SMC2: variants seen among roughly 807,000 people sequenced by gnomAD.
SMC2 encodes structural maintenance of chromosomes 2.
SMC2 carries 41 observed loss-of-function variants against 142.6 expected under a neutral mutation model. The observed-to-expected ratio is 0.29, with a 90% CI of 0.22 to 0.37. The LOEUF (loss-of-function observed/expected upper bound fraction) is 0.37. Ranked by LOEUF, SMC2 falls within the 10% of genes least tolerant of loss-of-function variation. The pLI is 1.00. For synonymous variants in SMC2, 463 were observed against 457.5 expected, an observed-to-expected ratio of 1.01 and a Z score of -0.15; for missense variants, 1,265 against 1,373.7, an observed-to-expected ratio of 0.92 and a Z score of 1.25.
upstream of SMC2, among the ~76,000 whole-genome samples, chr9:104,089,734 C>T (rs760870886): frequency 2.0e-5 from 3 of 151,980 alleles, no homozygotes; most frequent in Non-Finnish European, 4.4e-5. Flanking sequence ...AACTTGTGTC[C>T]GCCTCCTGGG....
intron 9 of SMC2, among the ~76,000 whole-genome samples, chr9:104,110,728 G>C (rs1832341177): frequency 6.6e-6 from 1 of 152,116 alleles, no homozygotes; most frequent in African/African-American, 2.4e-5. Flanking sequence ...ATGTTCCTCA[G>C]GGCTTTCAAG....
chr9:104,137,644 T>C (rs16923745), intron 23 of SMC2, among the ~76,000 whole-genome samples: 8,633 of 140,028 alleles, frequency 0.062, 659 homozygotes, highest in African/African-American at 0.2. Context: ...ATCATAGTTA[T>C]TGTCTTAAAT....
At chr9:104,101,815 A>G (rs1831159324) in intron 7 of SMC2, 145 bp from the exon 8 acceptor site, 1 of 558,538 alleles carries the variant, frequency 1.8e-6, no homozygotes, top group Non-Finnish European at 3.1e-6. Context: ...GATGTTACGT[A>G]AAGTTTCCTA....
At chr9:104,135,759 A>G in intron 23 of SMC2, 1 of 492,278 alleles carries the variant, frequency 2.0e-6, no homozygotes, top group Non-Finnish European at 4.0e-6. Context: ...AACACTATGT[A>G]AGCCAGAAGT....
At chr9:104,120,661 A>T (rs1314377097) in intron 16 of SMC2, among the ~76,000 whole-genome samples, 2 of 152,230 alleles carry the variant, frequency 1.3e-5, no homozygotes. Flanking sequence ...CTAAAATTTC[A>T]GTGTTTCCTT....
intron 7 of SMC2, among the ~76,000 whole-genome samples, chr9:104,101,018 G>A (rs976299540): frequency 5.3e-5 from 8 of 152,124 alleles, no homozygotes; most frequent in Non-Finnish European, 1.2e-4. Flanking sequence ...GCTCACTGCA[G>A]CCTCCACCTC....
chr9:104,131,707 CA>C (rs201936131), intron 21 of SMC2, among the ~76,000 whole-genome samples: 2,017 of 142,534 alleles, frequency 0.014, 46 homozygotes, highest in African/African-American at 0.05. Context: ...TTAGTGGAGT[CA>C]AAATATTTTA....
upstream of SMC2, chr9:104,092,333 C>T (rs1429597098): frequency 6.6e-6 from 1 of 152,240 alleles, no homozygotes; most frequent in Non-Finnish European, 1.5e-5. Flanking sequence ...TGTATGTTTT[C>T]ATCCATGTGA....
intron 9 of SMC2, among the ~76,000 whole-genome samples, chr9:104,108,098 A>G (rs1832021723): frequency 6.6e-6 from 1 of 152,174 alleles, no homozygotes. Flanking sequence ...AAGTGACACA[A>G]AGTATCCTAC....
chr9:104,106,583 G>A (rs1262825206), intron 9 of SMC2, among the ~76,000 whole-genome samples: 5 of 151,986 alleles, frequency 3.3e-5, no homozygotes, highest in African/African-American at 9.7e-5. Context: ...AGTAGAGATG[G>A]GGTTCCTCCA....
At chr9:104,112,022 C>T (rs1832509164) in intron 10 of SMC2, among the ~76,000 whole-genome samples, 2 of 152,176 alleles carry the variant, frequency 1.3e-5, no homozygotes, top group Admixed American at 6.5e-5. Flanking sequence ...TGTGAAGATG[C>T]TGTACTACAT....
intron 10 of SMC2, among the ~76,000 whole-genome samples, chr9:104,112,028 T>C (rs964793208): frequency 6.6e-6 from 1 of 152,266 alleles, no homozygotes; most frequent in African/African-American, 2.4e-5. Context: ...GATGCTGTAC[T>C]ACATAAATTA....
chr9:104,093,463 T>C (rs961182732), upstream of SMC2, among the ~76,000 whole-genome samples: 8 of 152,162 alleles, frequency 5.3e-5, no homozygotes, highest in Admixed American at 5.2e-4. Context: ...TTTAACTCAT[T>C]TGTAAAACGA....
Position 104,102,059 on chromosome 9 carries a change from A to G in SMC2, c.736A>G (p.Lys246Glu). Residue 246 changes from lysine to glutamate, a missense_variant, in exon 8 of 25, where the codon AAA (lysine) becomes GAA (glutamate). Around this residue, in one of 4 missense-constraint regions of SMC2, gnomAD observed 898 missense variants for 904.2 expected, o/e 0.99. Transcript: ENST00000374793. ...TCAGTTTTTGCTGGCTGAAGATACC[A>G]AAGTACGCTCAGCTGAGGAATTAAA... Reference protein sequence around the residue: ...AYQFLLAEDTKVRSAEELKEM... With the variant: ...AYQFLLAEDTEVRSAEELKEM... 6.2e-7 allele frequency: 1 copy of G among 1,609,570 alleles called. No individual in the cohort carries two copies. Among genetic ancestry groups the G allele is most frequent in the Non-Finnish European group, 8.5e-7 (1 of 1,176,324 alleles).
In SMC2 at chr9:104,113,955, A is replaced by T. The variant is rs1248450744; in HGVS notation, c.1415-9A>T. On this transcript the variant is annotated splice_polypyrimidine_tract_variant and intron_variant, in intron 11 of 24. Coordinates refer to ENST00000374793, the MANE Select transcript of SMC2 (RefSeq NM_006444.3). ...ACTTGGTTTTAATTTATTATGATTT[A>T]TCCTTCAGAAAATAAAGAGGAAAGC... 1 of 1,519,304 alleles carries T rather than the reference A, an allele frequency of 6.6e-7. No individual in the cohort carries two copies. 94.1% of individuals were successfully genotyped at this position (1,519,304 alleles called of 1,614,324 possible). A position where few individuals can be genotyped will look rare whatever the true frequency, so the allele number is the denominator to read the frequency against.
In SMC2 at chr9:104,098,520, CT is replaced by C; in HGVS notation, c.394del (p.Cys132ValfsTer23). The C allele has an allele frequency of 6.2e-7, 1 of 1,600,940 alleles. No individual in the cohort carries two copies. The highest frequency in any genetic ancestry group is 8.5e-7 in the Non-Finnish European group (1 of 1,175,074). On this transcript the variant is annotated frameshift_variant, in exon 4 of 25. Transcript: ENST00000374793. LOFTEE classifies it high-confidence loss of function. ...ANNTRVQDLFCSVGLNVNNPH... is the reference protein window; with the variant it reads ...ANNTRVQDLFXSVGLNVNNPH... ...ACAACACCAGAGTACAGGATCTCTTCTGTTCTGTTGGCCTTAATGTTAACAA... is the reference window on the plus strand; with the variant it reads ...ACAACACCAGAGTACAGGATCTCTTCGTTCTGTTGGCCTTAATGTTAACAA...
At chr9:104,134,343 A>T in intron 22 of SMC2, 72 bp from the exon 23 acceptor site, 1 of 1,163,096 alleles carries the variant, frequency 8.6e-7, no homozygotes, top group Non-Finnish European at 1.2e-6. Context: ...TGTGTTGCAT[A>T]TACATATATC....
intron 23 of SMC2, chr9:104,136,128 A>G (rs1174607582): frequency 6.2e-5 from 19 of 307,012 alleles, no homozygotes; most frequent in African/African-American, 1.3e-4. Flanking sequence ...AAGGTTGTCA[A>G]CATTCACATA....
chr9:104,093,323 T>C (rs916292374), upstream of SMC2, among the ~76,000 whole-genome samples: 10 of 152,102 alleles, frequency 6.6e-5, no homozygotes, highest in Admixed American at 6.6e-5. Context: ...ATACTAATAA[T>C]AGGATCGGCT....
Sources: gnomAD v4.1 joint callset for allele counts (sites outside exome capture counted in the v4.1 genomes callset) on GRCh38, gnomAD v4.1.1 for gene constraint, gnomAD v4.1.1 regional missense constraint, MANE v1.5 for transcripts, NCBI Gene and HGNC (gene_info 2026-07-23, HGNC 2026-07-21) for gene names.